The following RBM28 variants were observed in gnomAD, a reference collection of about 807,000 sequenced individuals.
RBM28 encodes the protein RNA-binding protein 28.
In RBM28, 78 loss-of-function variants were observed where a neutral mutation model predicts 98.3. That is an observed-to-expected ratio of 0.79 (90% CI 0.66 to 0.96). RBM28 has a LOEUF of 0.96. RBM28 is among the 40% of genes least tolerant of loss of function. RBM28 has a pLI of 0.00. For synonymous variants in RBM28, 306 were observed against 330.9 expected, an observed-to-expected ratio of 0.92 and a Z score of 0.82; for missense variants, 838 against 913.0, an observed-to-expected ratio of 0.92 and a Z score of 1.06.
intron 10 of RBM28, among the ~76,000 whole-genome samples, chr7:128,326,578 G>C (rs1296926386): frequency 4.6e-5 from 7 of 152,158 alleles, no homozygotes; most frequent in Non-Finnish European, 8.8e-5. Context: ...GAGCACATAT[G>C]ACCTATGTGT....
intron 18 of RBM28, among the ~76,000 whole-genome samples, chr7:128,312,276 G>A (rs530557465): frequency 7.9e-5 from 12 of 152,294 alleles, no homozygotes; most frequent in Admixed American, 6.5e-4. Flanking sequence ...AATTAGCTGG[G>A]CATGGTGGCG....
intron 10 of RBM28, among the ~76,000 whole-genome samples, chr7:128,330,450 C>G (rs530989900): frequency 7.1e-6 from 1 of 140,544 alleles, no homozygotes; most frequent in East Asian, 2.2e-4. Flanking sequence ...GGCATGATCT[C>G]GGCTCATTGC....
intron 13 of RBM28, among the ~76,000 whole-genome samples, 172 bp downstream of exon 13, chr7:128,323,355 A>G (rs1429309120): frequency 6.6e-6 from 1 of 152,248 alleles, no homozygotes; most frequent in East Asian, 1.9e-4. Flanking sequence ...AATACTATGT[A>G]TGATGTTGGG....
At chr7:128,319,830 T>C (rs763687425) in intron 14 of RBM28, among the ~76,000 whole-genome samples, 11 of 152,220 alleles carry the variant, frequency 7.2e-5, no homozygotes, top group Admixed American at 5.2e-4. Flanking sequence ...TCCAGCACTG[T>C]GGGAGGCCGA....
intron 10 of RBM28, among the ~76,000 whole-genome samples, chr7:128,326,886 TC>T (rs1796364409): frequency 6.6e-6 from 1 of 151,988 alleles, no homozygotes; most frequent in Non-Finnish European, 1.5e-5. Flanking sequence ...ACACTTGTAA[TC>T]CCAGCTCTTT....
rs566364683 is a variant in RBM28, at chr7:128,329,752, A to G, written c.1129+1067T>C. On this transcript the variant is annotated intron_variant, in intron 10 of 18. Coordinates refer to ENST00000223073, the MANE Select transcript of RBM28 (RefSeq NM_018077.3). ...TACAAACACAAAATTAGCCGGGTGC[A>G]GTGGTGGGCACCTGTAGTCCCAGCT... is the stretch of plus-strand genomic sequence containing the variant. 1.1e-4 allele frequency among the ~76,000 whole-genome samples: 16 copies of G among 152,090 alleles called. No individual in the cohort carries two copies. The East Asian group carries it at 2.9e-3, about 28-fold the overall frequency.
intron 1 of RBM28, among the ~76,000 whole-genome samples, chr7:128,341,499 T>G (rs1796724107): frequency 6.6e-6 from 1 of 152,266 alleles, no homozygotes; most frequent in Admixed American, 6.5e-5. Context: ...AGAGGTGAAG[T>G]GACATGCACT....
chr7:128,336,214 A>G (rs1208533769), intron 6 of RBM28, among the ~76,000 whole-genome samples, 172 bp from the exon 7 acceptor site: 2 of 152,270 alleles, frequency 1.3e-5, no homozygotes, highest in Non-Finnish European at 2.9e-5. Context: ...AAGCAAAAAC[A>G]GAAATAAACA....
intron 14 of RBM28, among the ~76,000 whole-genome samples, chr7:128,319,624 C>A (rs1796178405): frequency 6.6e-6 from 1 of 152,156 alleles, no homozygotes; most frequent in Non-Finnish European, 1.5e-5. Context: ...GGCAATGGTA[C>A]TTTTAAAATA....
rs904163060 is a variant in RBM28, at chr7:128,297,993, G to T, written c.*12804C>A. The T allele has an allele frequency of 8.5e-6, 1 of 117,728 alleles. No homozygotes were observed. Among genetic ancestry groups the T allele is most frequent in the East Asian group, 3.0e-4 (1 of 3,294 alleles). 7.3% of individuals were successfully genotyped at this position (117,728 alleles called of 1,614,324 possible). On this transcript the variant is annotated 3_prime_UTR_variant, in exon 19 of 19. Transcript: ENST00000223073. ...CACACTCTGGGGACTATTGAGGGGT[G>T]GGGGGAGGGGGGAGGGATAGCATTG...
At position 128,300,655 on chromosome 7, in the gene RBM28, G is replaced by C. The variant is rs1795770151; in HGVS notation, c.*10142C>G. 1 of 152,282 alleles carries C rather than the reference G, an allele frequency of 6.6e-6. No individual in the cohort carries two copies. The highest frequency in any genetic ancestry group is 1.5e-5 in the Non-Finnish European group (1 of 68,060). The allele number at this position is 152,282 out of a possible 1,614,324, so 9.4% of individuals were successfully genotyped here. On this transcript the variant is annotated 3_prime_UTR_variant, in exon 19 of 19. Coordinates refer to ENST00000223073, the MANE Select transcript of RBM28 (RefSeq NM_018077.3). Reference sequence around the variant, plus strand: ...ACAACTGTTATCAATACTGTGCTATGTTTTAGTAAAGAGGGCTGTTCCCTG... The same window carrying C: ...ACAACTGTTATCAATACTGTGCTATCTTTTAGTAAAGAGGGCTGTTCCCTG...
rs1323092371 is a variant in RBM28 at position 128,335,992 on chromosome 7, C to G, written c.664G>C (p.Gly222Arg). 18 of 1,612,042 alleles carry G rather than the reference C, an allele frequency of 1.1e-5. No individual in the cohort carries two copies. Among genetic ancestry groups the G allele is most frequent in the Non-Finnish European group, 1.5e-5 (18 of 1,178,644 alleles). ...SKHQESVKKK[G>R]REEEDMEEEE... is the part of the protein sequence containing the mutation. ...TCTTCCATATCCTCTTCCTCTCTGC[C>G]CTTCTTTTTAACTGATTCCTGATGT... The change falls in exon 7 of 19, where the codon GGC (glycine) becomes CGC (arginine). Residue 222 changes from glycine to arginine, a missense_variant. Transcript: ENST00000223073.
intron 1 of RBM28, among the ~76,000 whole-genome samples, chr7:128,342,882 T>C (rs1428354369): frequency 1.3e-5 from 2 of 152,170 alleles, no homozygotes; most frequent in African/African-American, 2.4e-5. Context: ...GTGTTCACTC[T>C]CTCACCTCAG....
rs58579696 is a variant in RBM28 at position 128,308,974 on chromosome 7, CAAAAAA to C, written c.*1817_*1822del. On this transcript the variant is annotated 3_prime_UTR_variant, in exon 19 of 19. Coordinates refer to ENST00000223073, the MANE Select transcript of RBM28 (RefSeq NM_018077.3). ...CCTGGGCAACAGAGCAAGACTGTCTCAAAAAAAAAAAAAAAAAAGAAATAACCATAT... is the reference window on the plus strand; with the variant it reads ...CCTGGGCAACAGAGCAAGACTGTCTCAAAAAAAAAAAAGAAATAACCATAT... 4.1e-5 allele frequency: 3 copies of C among 73,758 alleles called. No individual in the cohort carries two copies. The highest frequency in any genetic ancestry group is 1.2e-4 in the African/African-American group (2 of 17,326). 4.6% of individuals were successfully genotyped at this position (73,758 alleles called of 1,614,324 possible).
At chr7:128,324,833 G>A in intron 11 of RBM28, 139 bp from the exon 12 acceptor site, 2 of 1,133,858 alleles carry the variant, frequency 1.8e-6, no homozygotes, top group Non-Finnish European at 1.3e-6. Context: ...GGCCAACATG[G>A]TGAAACCTCG....
intron 5 of RBM28, among the ~76,000 whole-genome samples, chr7:128,337,706 C>T (rs899749830): frequency 5.9e-5 from 9 of 151,910 alleles, no homozygotes; most frequent in African/African-American, 2.2e-4. Context: ...TACAAGCATG[C>T]ACCACCACAC....
intron 5 of RBM28, among the ~76,000 whole-genome samples, chr7:128,337,843 GAGCCA>G: frequency 6.6e-6 from 1 of 152,260 alleles, no homozygotes; most frequent in South Asian, 2.1e-4. Flanking sequence ...TTACAGGTGT[GAGCCA>G]CCGCACCTGG....
rs754461404 is a variant in RBM28 at position 128,324,710 on chromosome 7, A to G, written c.1204-16T>C. 11 of 1,613,914 alleles carry G rather than the reference A, an allele frequency of 6.8e-6. No homozygotes were observed. The highest frequency in any genetic ancestry group is 3.3e-5 in the Admixed American group (2 of 59,992). On this transcript the variant is annotated splice_polypyrimidine_tract_variant and intron_variant, in intron 11 of 18. Coordinates refer to ENST00000223073, the MANE Select transcript of RBM28 (RefSeq NM_018077.3). ...GCCCACCAGCCTGTAACAGATCACA[A>G]CCCTTTCTTAAAACACATAATGGCC...
intron 17 of RBM28, 130 bp downstream of exon 17, chr7:128,314,634 T>C (rs972650055): frequency 4.1e-6 from 6 of 1,456,922 alleles, no homozygotes; most frequent in Middle Eastern, 2.4e-4. Context: ...GTTAACCCCA[T>C]GTGTGGGAAT....
Sources: allele counts gnomAD v4.1 joint callset (sites outside exome capture counted in the v4.1 genomes callset), GRCh38; gene constraint gnomAD v4.1.1; transcripts MANE v1.5; gene names NCBI Gene and HGNC (gene_info 2026-07-23, HGNC 2026-07-21).